The following B3GALT5 variants were observed in gnomAD, a reference collection of about 807,000 sequenced individuals.
B3GALT5 encodes UDP-Gal:betaGlcNAc beta 1,3-galactosyltransferase, polypeptide 5.
For synonymous variants in B3GALT5, 156 were observed against 158.6 expected, an observed-to-expected ratio of 0.98 and a Z score of 0.12; for missense variants, 328 against 396.6, an observed-to-expected ratio of 0.83 and a Z score of 1.47.
At position 39,662,639 on chromosome 21, in the gene B3GALT5, T is replaced by G. The variant is rs2079540064; in HGVS notation, c.*1147T>G. ...ACAACTGAACTTTGTGGTTTGCTGT[T>G]TAGCCTTCAGTTTGCTCCGCTGCCT... is the stretch of plus-strand genomic sequence containing the variant. On this transcript the variant is annotated 3_prime_UTR_variant, in exon 4 of 4. Transcript: ENST00000684187. 1 of 167,532 alleles carries G rather than the reference T, an allele frequency of 6.0e-6. No individual in the cohort carries two copies. Among genetic ancestry groups the G allele is most frequent in the African/African-American group, 2.4e-5 (1 of 41,462 alleles). 10.4% of individuals were successfully genotyped at this position (167,532 alleles called of 1,614,324 possible).
chr21:39,641,766 A>G (rs1325813397), intron 1 of B3GALT5, among the ~76,000 whole-genome samples: 3 of 152,336 alleles, frequency 2.0e-5, no homozygotes, highest in South Asian at 2.1e-4. Flanking sequence ...AATTCTTCAT[A>G]TATTCTATCA....
intron 1 of B3GALT5, among the ~76,000 whole-genome samples, chr21:39,621,257 T>C (rs1358549753): frequency 6.6e-6 from 1 of 152,230 alleles, no homozygotes; most frequent in Non-Finnish European, 1.5e-5. Flanking sequence ...GGTGCTGAAT[T>C]TTATTGATTC....
intron 1 of B3GALT5, among the ~76,000 whole-genome samples, chr21:39,639,458 T>TCTC (rs1569212608): frequency 4.5e-5 from 6 of 134,282 alleles, no homozygotes; most frequent in African/African-American, 1.5e-4. Context: ...CTTTCTTTTT[T>TCTC]TCTTTCTCTC....
chr21:39,651,744 C>T (rs2079397382), intron 2 of B3GALT5, among the ~76,000 whole-genome samples: 1 of 150,272 alleles, frequency 6.7e-6, no homozygotes, highest in African/African-American at 2.5e-5. Flanking sequence ...CAAATACCGG[C>T]GAAGCTAGTC....
rs541808403 is a variant in B3GALT5, at chr21:39,670,348, A to T, written c.*8856A>T. 6.6e-6 allele frequency: 1 copy of T among 152,320 alleles called. No homozygotes were observed. Among genetic ancestry groups the T allele is most frequent in the Non-Finnish European group, 1.5e-5 (1 of 68,040 alleles). 9.4% of individuals were successfully genotyped at this position (152,320 alleles called of 1,614,324 possible). A position where few individuals can be genotyped will look rare whatever the true frequency, so the allele number is the denominator to read the frequency against. On this transcript the variant is annotated 3_prime_UTR_variant, in exon 4 of 4. Transcript: ENST00000684187. ...TTAACTGCCCCACCCGTGTCCATGA[A>T]GGGCAGTGGAAGAGCAAGGGGCGGT...
In B3GALT5 at chr21:39,670,528, G is replaced by A. The variant is rs2146235297; in HGVS notation, c.*9036G>A. The A allele has an allele frequency of 6.6e-6, 1 of 152,368 alleles. No individual in the cohort carries two copies. Among genetic ancestry groups the A allele is most frequent in the East Asian group, 1.9e-4 (1 of 5,188 alleles). 9.4% of individuals were successfully genotyped at this position (152,368 alleles called of 1,614,324 possible). A position where few individuals can be genotyped will look rare whatever the true frequency, so the allele number is the denominator to read the frequency against. On this transcript the variant is annotated 3_prime_UTR_variant, in exon 4 of 4. Coordinates refer to ENST00000684187, the MANE Select transcript of B3GALT5 (RefSeq NM_001356336.2). ...GCTATGTGCCACACACCCATGTTCA[G>A]TAAGGTGGAAGCCAGCTGCAGGCGT...
chr21:39,618,659 C>G (rs144423492), intron 1 of B3GALT5, among the ~76,000 whole-genome samples: 2 of 152,132 alleles, frequency 1.3e-5, no homozygotes, highest in East Asian at 3.9e-4. Flanking sequence ...TCTTATAGAT[C>G]TATAGAAGCT....
intron 1 of B3GALT5, among the ~76,000 whole-genome samples, chr21:39,613,437 A>C (rs1387808422): frequency 6.6e-6 from 1 of 152,162 alleles, no homozygotes; most frequent in East Asian, 1.9e-4. Context: ...CAACAACAAC[A>C]AAACAAACTC....
At chr21:39,646,219 T>C (rs1281423505) in intron 1 of B3GALT5, among the ~76,000 whole-genome samples, 173 bp from the exon 2 acceptor site, 1 of 152,058 alleles carries the variant, frequency 6.6e-6, no homozygotes, top group Non-Finnish European at 1.5e-5. Context: ...GAGTTGCCTT[T>C]GGCTGTAATC....
At chr21:39,613,585 G>A (rs2079091983) in intron 1 of B3GALT5, among the ~76,000 whole-genome samples, 1 of 152,210 alleles carries the variant, frequency 6.6e-6, no homozygotes, top group African/African-American at 2.4e-5. Context: ...AAGGGAGTCT[G>A]TAGGTCATTG....
intron 2 of B3GALT5, among the ~76,000 whole-genome samples, chr21:39,649,901 A>T (rs1355853751): frequency 6.6e-6 from 1 of 152,158 alleles, no homozygotes; most frequent in East Asian, 1.9e-4. Flanking sequence ...CAGACATGGA[A>T]ATGTAAAGGT....
At chr21:39,649,210 A>G (rs1271381143) in intron 2 of B3GALT5, among the ~76,000 whole-genome samples, 1 of 152,190 alleles carries the variant, frequency 6.6e-6, no homozygotes, top group South Asian at 2.1e-4. Flanking sequence ...CTCTAGACTC[A>G]TGGGCCCGTA....
chr21:39,629,123 C>T (rs1181795202), intron 1 of B3GALT5, among the ~76,000 whole-genome samples: 1 of 152,000 alleles, frequency 6.6e-6, no homozygotes, highest in Non-Finnish European at 1.5e-5. Flanking sequence ...AAGCAATTCT[C>T]CCTGCCTCAG....
intron 1 of B3GALT5, among the ~76,000 whole-genome samples, chr21:39,639,456 T>TCTCTCTCTCTCTCTTTCTTTC (rs2079270807): frequency 1.3e-5 from 1 of 77,518 alleles, no homozygotes. Flanking sequence ...TTCTTTCTTT[T>TCTCTCTCTCTCTCTTTCTTTC]TTTCTTTCTC....
intron 1 of B3GALT5, among the ~76,000 whole-genome samples, chr21:39,626,849 G>T (rs958824924): frequency 6.6e-6 from 1 of 151,720 alleles, no homozygotes; most frequent in Non-Finnish European, 1.5e-5. Context: ...TCACTGTGAT[G>T]AACTTGACTT....
chr21:39,641,519 C>T (rs180979771), intron 1 of B3GALT5, among the ~76,000 whole-genome samples: 421 of 151,962 alleles, frequency 2.8e-3, no homozygotes, highest in Middle Eastern at 0.027. Flanking sequence ...GCTTGAATTC[C>T]CTTTACCGCG....
At chr21:39,617,867 G>A (rs1257680767) in intron 1 of B3GALT5, among the ~76,000 whole-genome samples, 1 of 152,156 alleles carries the variant, frequency 6.6e-6, no homozygotes, top group Non-Finnish European at 1.5e-5. Context: ...TGTGGGTGTA[G>A]TTCATTCATT....
At chr21:39,655,792 C>T (rs576080855) in intron 2 of B3GALT5, among the ~76,000 whole-genome samples, 13 of 152,232 alleles carry the variant, frequency 8.5e-5, no homozygotes, top group Non-Finnish European at 1.3e-4. Flanking sequence ...GGGTCAGCTG[C>T]GGGGAGGCTC....
chr21:39,646,257 C>T (rs554117458), intron 1 of B3GALT5, 135 bp from the exon 2 acceptor site: 51 of 152,242 alleles, frequency 3.3e-4, no homozygotes, highest in African/African-American at 1.2e-3. Flanking sequence ...GTATGAACAG[C>T]ACGGGTGAAA....
Sources: gnomAD v4.1 joint callset for allele counts (sites outside exome capture counted in the v4.1 genomes callset) on GRCh38, gnomAD v4.1.1 for gene constraint, MANE v1.5 for transcripts, NCBI Gene and HGNC (gene_info 2026-07-23, HGNC 2026-07-21) for gene names.